Variants in UVSSA observed in about 807,000 individuals in gnomAD.
UVSSA encodes UV stimulated scaffold protein A, also known as UV-stimulated scaffold protein A.
UVSSA carries 72 observed loss-of-function variants against 73.9 expected under a neutral mutation model. That is an observed-to-expected ratio of 0.97 (90% CI 0.81 to 1.19). The LOEUF (loss-of-function observed/expected upper bound fraction) is 1.19. Ranked by LOEUF, UVSSA falls within the 50% of genes most tolerant of loss-of-function variation. The probability of loss-of-function intolerance (pLI) is 0.00; values close to 1 mark genes in which losing one functional copy is unlikely to be tolerated. For missense variants in UVSSA, 1,150 were observed against 965.0 expected (o/e 1.19, Z -2.54); for synonymous variants, 454 against 391.3 (o/e 1.16, Z -1.89).
chr4:1,342,326 GCTTTT>G (rs1409901776), upstream of UVSSA, among the ~76,000 whole-genome samples: 3 of 152,214 alleles, frequency 2.0e-5, no homozygotes, highest in South Asian at 2.1e-4. Context: ...ATTTTCCCTT[GCTTTT>G]CTTTGATGTC....
In UVSSA at chr4:1,387,626, T is replaced by G. The variant is rs1036533636; in HGVS notation, c.*1665T>G. 9.3e-5 allele frequency: 14 copies of G among 150,342 alleles called. No individual in the cohort carries two copies. The highest frequency in any genetic ancestry group is 1.6e-4 in the Non-Finnish European group (11 of 67,584). The allele number at this position is 150,342 out of a possible 1,614,324, so 9.3% of individuals were successfully genotyped here. ...TTGATCCATTGTGAATTAAGTTTTGTGTGTGGTGTAAGAGCCCACATTCTT... is the reference window on the plus strand; with the variant it reads ...TTGATCCATTGTGAATTAAGTTTTGGGTGTGGTGTAAGAGCCCACATTCTT... On this transcript the variant is annotated 3_prime_UTR_variant, in exon 14 of 14. Coordinates refer to ENST00000389851, the MANE Select transcript of UVSSA (RefSeq NM_020894.4).
chr4:1,342,453 A>T (rs1258086405), upstream of UVSSA, among the ~76,000 whole-genome samples: 1 of 152,112 alleles, frequency 6.6e-6, no homozygotes, highest in African/African-American at 2.4e-5. Flanking sequence ...CCTTTGAGGG[A>T]TATGTGTATT....
In UVSSA at chr4:1,379,927, C is replaced by G. The variant is rs1178219655; in HGVS notation, c.1569-120C>G. 2.9e-5 allele frequency: 36 copies of G among 1,227,722 alleles called. 1 individual carries two copies. The highest frequency in any genetic ancestry group is 3.6e-5 in the Non-Finnish European group (32 of 884,356). The allele number at this position is 1,227,722 out of a possible 1,614,324, so 76.1% of individuals were successfully genotyped here. On this transcript the variant is annotated intron_variant, in intron 10 of 13. Transcript: ENST00000389851. ...GACCGTGTTCTCCCTGGGTGCTGTC[C>G]ACAGTGTTGGGGTGGCTGGGCTGCA...
chr4:1,382,388 C>T (rs1719610216), intron 12 of UVSSA, among the ~76,000 whole-genome samples: 1 of 152,216 alleles, frequency 6.6e-6, no homozygotes, highest in Admixed American at 6.5e-5. Flanking sequence ...GGTATTGATC[C>T]CCGCCTCCCT....
chr4:1,380,778 C>G (rs745691183), intron 11 of UVSSA, 102 bp from the exon 12 acceptor site: 1 of 1,583,428 alleles, frequency 6.3e-7, no homozygotes, highest in East Asian at 2.3e-5. Context: ...GTGATACCAC[C>G]CACCCTGGTC....
exon 14 of UVSSA, chr4:1,393,516 T>G (rs994975300): frequency 6.8e-6 from 1 of 146,664 alleles, no homozygotes; most frequent in Non-Finnish European, 1.6e-5. Context: ...GATCAAGCCA[T>G]TGTACTCCAG....
chr4:1,354,434 G>A, intron 5 of UVSSA: 1 of 422,294 alleles, frequency 2.4e-6, no homozygotes, highest in Non-Finnish European at 4.4e-6. Flanking sequence ...GGGGCGGTGA[G>A]TAGAAGAGGC....
At chr4:1,354,900 G>A (rs1577300894) in intron 6 of UVSSA, 53 bp downstream of exon 6, 2 of 1,396,218 alleles carry the variant, frequency 1.4e-6, no homozygotes, top group East Asian at 4.9e-5. Flanking sequence ...AGAGTGCCAT[G>A]CATGGGGGGG....
At chr4:1,376,232 G>T in intron 10 of UVSSA, 64 bp downstream of exon 10, 1 of 1,517,076 alleles carries the variant, frequency 6.6e-7, no homozygotes, top group South Asian at 1.3e-5. Context: ...TGAGGAGGGG[G>T]CTGCCGGCTC....
chr4:1,349,566 A>T lies in UVSSA; in HGVS notation c.141A>T (p.Ile47=). The T allele has an allele frequency of 6.2e-7, 1 of 1,613,972 alleles. No homozygotes were observed. Among genetic ancestry groups the T allele is most frequent in the Non-Finnish European group, 8.5e-7 (1 of 1,180,002 alleles). The change falls in exon 3 of 14, where the codon ATA becomes ATT. Residue 47 remains isoleucine, a synonymous_variant. Transcript: ENST00000389851. ...TGAGCCGCGCCTACCGCCTGCTGAT[A>T]GCACAGCTGACCCAGGAGCACGCCG... ...EQLSRAYRLL[I]AQLTQEHAEI...
chr4:1,351,387 T>C (rs993655533), intron 3 of UVSSA, among the ~76,000 whole-genome samples: 4 of 131,266 alleles, frequency 3.0e-5, no homozygotes. Flanking sequence ...ATTTTCTTTC[T>C]TTTTTTTTTT....
At chr4:1,345,682 G>A (rs1343596626), upstream of UVSSA, among the ~76,000 whole-genome samples, 2 of 148,686 alleles carry the variant, frequency 1.3e-5, no homozygotes, top group Admixed American at 1.3e-4. Flanking sequence ...AAAGGCTGCA[G>A]GGCCATCAGC....
At position 1,387,520 on chromosome 4, in the gene UVSSA, C is replaced by A. The variant is rs1317840048; in HGVS notation, c.*1559C>A. 1 of 152,084 alleles carries A rather than the reference C, an allele frequency of 6.6e-6. No individual in the cohort carries two copies. The highest frequency in any genetic ancestry group is 1.9e-4 in the East Asian group (1 of 5,198). The allele number at this position is 152,084 out of a possible 1,614,324, so 9.4% of individuals were successfully genotyped here. A position where few individuals can be genotyped will look rare whatever the true frequency, so the allele number is the denominator to read the frequency against. ...GCTTTTGCTGTCACATTTCAGAAGC[C>A]ATCACCTAATCCAAGATCACAGAGA... On this transcript the variant is annotated 3_prime_UTR_variant, in exon 14 of 14. Transcript: ENST00000389851.
chr4:1,352,680 G>A (rs886413261), intron 4 of UVSSA, among the ~76,000 whole-genome samples: 1 of 152,232 alleles, frequency 6.6e-6, no homozygotes, highest in Non-Finnish European at 1.5e-5. Flanking sequence ...GACTGGGCGC[G>A]GTGACTCATG....
At chr4:1,394,809 G>C in exon 14 of UVSSA, 1 of 1,492,580 alleles carries the variant, frequency 6.7e-7, no homozygotes, top group African/African-American at 1.6e-5. Flanking sequence ...GCTCACACAC[G>C]TGCCCATGTG....
chr4:1,343,670 C>T (rs938766574), upstream of UVSSA, among the ~76,000 whole-genome samples: 1 of 152,114 alleles, frequency 6.6e-6, no homozygotes, highest in Non-Finnish European at 1.5e-5. Flanking sequence ...GCCTGTAATC[C>T]CAGCTACTCG....
chr4:1,353,966 T>C (rs879323440), intron 5 of UVSSA, among the ~76,000 whole-genome samples: 9 of 152,216 alleles, frequency 5.9e-5, no homozygotes, highest in Admixed American at 5.2e-4. Flanking sequence ...CCCAGCTTCC[T>C]CCCAAGCCCC....
chr4:1,377,613 C>T (rs1235117505), intron 10 of UVSSA, among the ~76,000 whole-genome samples: 1 of 152,214 alleles, frequency 6.6e-6, no homozygotes, highest in African/African-American at 2.4e-5. Flanking sequence ...CCCGTCCCTC[C>T]TCCCACCTGC....
chr4:1,366,184 A>C (rs180823141), intron 7 of UVSSA, 136 bp from the exon 8 acceptor site: 13 of 698,312 alleles, frequency 1.9e-5, no homozygotes, highest in Admixed American at 9.8e-5. Flanking sequence ...ATGCAGTCCA[A>C]CCGTGGCTGA....
Sources: gnomAD v4.1 joint callset for allele counts (sites outside exome capture counted in the v4.1 genomes callset) on GRCh38, gnomAD v4.1.1 for gene constraint, MANE v1.5 for transcripts, NCBI Gene and HGNC (gene_info 2026-07-23, HGNC 2026-07-21) for gene names.